The following KLHL10 variants were observed in gnomAD, a reference collection of about 807,000 sequenced individuals.
KLHL10 encodes the protein kelch like family member 10.
A neutral mutation model predicts 46.6 loss-of-function variants in KLHL10; 11 were observed. That is an observed-to-expected ratio of 0.24 (90% CI 0.15 to 0.39). The LOEUF is 0.39. Among genes scored for constraint, KLHL10 ranks in the 10% least tolerant of loss-of-function variants. KLHL10 has a pLI of 1.00. For missense variants in KLHL10, 475 were observed against 789.8 expected, an observed-to-expected ratio of 0.60 and a Z score of 4.78; for synonymous variants, 254 against 279.1, an observed-to-expected ratio of 0.91 and a Z score of 0.90.
intron 2 of KLHL10, among the ~76,000 whole-genome samples, chr17:41,843,343 G>A (rs1480443412): frequency 6.6e-6 from 1 of 150,378 alleles, no homozygotes; most frequent in African/African-American, 2.5e-5. Context: ...ACTCTCTACC[G>A]AAAATACAAA....
intron 1 of KLHL10, among the ~76,000 whole-genome samples, chr17:41,840,133 G>A (rs1197430085): frequency 6.6e-6 from 1 of 152,164 alleles, no homozygotes; most frequent in Non-Finnish European, 1.5e-5. Flanking sequence ...GCTCAGCTGA[G>A]TCCAGAAATA....
At chr17:41,838,268 ATTTTTT>A in intron 1 of KLHL10, 142 bp downstream of exon 1, 1 of 677,006 alleles carries the variant, frequency 1.5e-6, no homozygotes, top group East Asian at 3.1e-5. Flanking sequence ...TTAAAAAAAA[ATTTTTT>A]TTTTAGAGAT....
At position 41,844,542 on chromosome 17, in the gene KLHL10, ATTTTTT is replaced by A. The variant is rs369578859; in HGVS notation, c.685-565_685-560del. Among the ~76,000 whole-genome samples, 439 of 115,318 alleles carry A rather than the reference ATTTTTT, an allele frequency of 3.8e-3. 2 individuals are homozygous for A. Among genetic ancestry groups the A allele is most frequent in the African/African-American group, 0.014 (411 of 28,448 alleles). The allele number at this position is 115,318 out of a possible 152,430, so 75.7% of individuals were successfully genotyped here. On this transcript the variant is annotated intron_variant, in intron 2 of 4. Transcript: ENST00000293303. The stretch of plus-strand genomic sequence containing the variant: ...CCACTGCACTCAGCCTGGTTTTTGT[ATTTTTT>A]TTTTTTTTTTTTTTTTTTGAGACGG...
Position 41,848,145 on chromosome 17 carries a change from T to C in KLHL10, c.1665T>C (p.Tyr555=), listed in dbSNP as rs1555621683. The C allele has an allele frequency of 9.9e-6, 16 of 1,614,176 alleles. No individual in the cohort carries two copies. Among genetic ancestry groups the C allele is most frequent in the Admixed American group, 3.3e-5 (2 of 60,010 alleles). Residue 555 remains tyrosine (Y), a synonymous_variant, in exon 5 of 5, where the codon TAT becomes TAC. Coordinates refer to ENST00000293303, the MANE Select transcript of KLHL10 (RefSeq NM_152467.5). ...ECYDEKTDEW[Y]DAHDMSIYRS... ...ATGATGAAAAGACCGATGAGTGGTA[T>C]GATGCTCATGACATGAGTATATACC...
chr17:41,841,516 C>T (rs151292717), intron 1 of KLHL10, among the ~76,000 whole-genome samples: 79 of 152,158 alleles, frequency 5.2e-4, no homozygotes, highest in African/African-American at 1.8e-3. Flanking sequence ...GGTTTCACCA[C>T]GTTGGCCAGG....
At chr17:41,847,549 A>C in intron 4 of KLHL10, 139 bp downstream of exon 4, 1 of 994,500 alleles carries the variant, frequency 1.0e-6, no homozygotes, top group Non-Finnish European at 1.5e-6. Context: ...TCTGTTGCCC[A>C]GGCTGTACTG....
chr17:41,844,800 C>T (rs991788976), intron 2 of KLHL10, among the ~76,000 whole-genome samples: 12 of 152,092 alleles, frequency 7.9e-5, no homozygotes, highest in Non-Finnish European at 1.6e-4. Context: ...CCGCCCATCT[C>T]GGCCTCCCAA....
intron 2 of KLHL10, among the ~76,000 whole-genome samples, chr17:41,843,389 C>T (rs2048246852): frequency 6.6e-6 from 1 of 151,416 alleles, no homozygotes; most frequent in Admixed American, 6.6e-5. Context: ...CCTGTAATCC[C>T]AGCTACTCGG....
At chr17:41,847,536 C>T (rs1186003914) in intron 4 of KLHL10, 126 bp downstream of exon 4, 6 of 1,095,818 alleles carry the variant, frequency 5.5e-6, no homozygotes, top group Admixed American at 2.0e-5. Flanking sequence ...GATGGAGTCT[C>T]GCTCTGTTGC....
intron 1 of KLHL10, among the ~76,000 whole-genome samples, chr17:41,841,611 C>T (rs1248297479): frequency 7.9e-5 from 12 of 152,190 alleles, no homozygotes; most frequent in Non-Finnish European, 1.5e-4. Context: ...CCACGCCTGG[C>T]CCAAGAGACC....
chr17:41,836,245 G>A (rs945028443), upstream of KLHL10: 36 of 1,200,022 alleles, frequency 3.0e-5, no homozygotes, highest in Non-Finnish European at 3.7e-5. Context: ...CCCCGCGACC[G>A]CACTGCGCAG....
At chr17:41,836,026 C>A (rs1555619948), upstream of KLHL10, 19 of 1,449,614 alleles carry the variant, frequency 1.3e-5, no homozygotes, top group Non-Finnish European at 1.7e-5. Context: ...CCGGGGCTCG[C>A]TCGGGCGCGC....
At chr17:41,839,614 T>A (rs889649510) in intron 1 of KLHL10, among the ~76,000 whole-genome samples, 13 of 152,228 alleles carry the variant, frequency 8.5e-5, no homozygotes. Flanking sequence ...GCTGAAAATG[T>A]TTGAGTAATC....
At chr17:41,835,805 G>A (rs1406589779), upstream of KLHL10, 2 of 1,507,418 alleles carry the variant, frequency 1.3e-6, no homozygotes, top group Non-Finnish European at 1.8e-6. Context: ...CAATGGGCAG[G>A]AAGCCTCTCC....
At chr17:41,844,777 G>A (rs1555621115) in intron 2 of KLHL10, among the ~76,000 whole-genome samples, 2 of 152,084 alleles carry the variant, frequency 1.3e-5, no homozygotes, top group Non-Finnish European at 2.9e-5. Context: ...TAGAACTCCT[G>A]ACCTCCGGTG....
chr17:41,844,458 C>CAAG (rs2048260494), intron 2 of KLHL10, among the ~76,000 whole-genome samples: 1 of 151,708 alleles, frequency 6.6e-6, no homozygotes, highest in Non-Finnish European at 1.5e-5. Context: ...TGTCAAATGC[C>CAAG]TGACCTCAAG....
At chr17:41,840,472 A>G (rs1328769761) in intron 1 of KLHL10, among the ~76,000 whole-genome samples, 1 of 151,944 alleles carries the variant, frequency 6.6e-6, no homozygotes, top group African/African-American at 2.4e-5. Flanking sequence ...TACTAAAAAT[A>G]CAAAAAACCG....
At chr17:41,841,634 T>C in intron 1 of KLHL10, 189 bp from the exon 2 acceptor site, 1 of 648,268 alleles carries the variant, frequency 1.5e-6, no homozygotes, top group South Asian at 1.9e-5. Flanking sequence ...GGTCTTACTC[T>C]CAGTTCTAGA....
intron 1 of KLHL10, among the ~76,000 whole-genome samples, chr17:41,838,791 C>A (rs2048197264): frequency 6.6e-6 from 1 of 151,638 alleles, no homozygotes; most frequent in Non-Finnish European, 1.5e-5. Flanking sequence ...CCAGTTCAAT[C>A]CATTCTCCCA....
Sources: gnomAD v4.1 joint callset for allele counts (sites outside exome capture counted in the v4.1 genomes callset) on GRCh38, gnomAD v4.1.1 for gene constraint, MANE v1.5 for transcripts, NCBI Gene and HGNC (gene_info 2026-07-23, HGNC 2026-07-21) for gene names.